PCDH10: variants seen among roughly 807,000 people sequenced by gnomAD.
PCDH10 encodes the protein protocadherin 10.
In PCDH10, 15 loss-of-function variants were observed where a neutral mutation model predicts 74.4. The ratio of observed to expected loss-of-function variants is 0.20; its 90% CI spans 0.13 to 0.31. PCDH10 has a LOEUF of 0.31. PCDH10 is among the 10% of genes least tolerant of loss of function. The pLI is 1.00. For synonymous variants in PCDH10, 619 were observed against 589.8 expected (o/e 1.05, Z -0.72); for missense variants, 1,260 against 1,390.2 (o/e 0.91, Z 1.49).
At chr4:133,203,904 C>G (rs2125878462) in intron 2 of PCDH10, among the ~76,000 whole-genome samples, 1 of 152,238 alleles carries the variant, frequency 6.6e-6, no homozygotes, top group South Asian at 2.1e-4. Flanking sequence ...GACTGTGAGG[C>G]AGGCATGGCA....
intron 4 of PCDH10, among the ~76,000 whole-genome samples, chr4:133,174,187 C>T (rs547789674): frequency 6.6e-6 from 1 of 152,014 alleles, no homozygotes; most frequent in Admixed American, 6.6e-5. Flanking sequence ...TATTATTAAT[C>T]ATCCAAAGTC....
At chr4:133,188,680 T>TG (rs1560715375) in intron 4 of PCDH10, among the ~76,000 whole-genome samples, 2 of 142,544 alleles carry the variant, frequency 1.4e-5, no homozygotes, top group African/African-American at 5.3e-5. Context: ...TTTTTTTTTT[T>TG]TTTTTTTTTT....
intron 4 of PCDH10, among the ~76,000 whole-genome samples, chr4:133,176,592 T>A (rs1727301401): frequency 6.6e-6 from 1 of 152,160 alleles, no homozygotes; most frequent in Admixed American, 6.6e-5. Flanking sequence ...TTTCACAATA[T>A]ATCACTATTT....
At chr4:133,202,956 G>T (rs1727932201) in intron 2 of PCDH10, among the ~76,000 whole-genome samples, 1 of 152,098 alleles carries the variant, frequency 6.6e-6, no homozygotes, top group Non-Finnish European at 1.5e-5. Context: ...GGTCTTTCAG[G>T]GAGAGTATAT....
intron 1 of PCDH10, 105 bp downstream of exon 1, chr4:133,152,876 T>C: frequency 6.6e-7 from 1 of 1,514,422 alleles, no homozygotes; most frequent in South Asian, 1.3e-5. Flanking sequence ...TTTTAGGATA[T>C]TAGCTTATGT....
Position 133,191,460 on chromosome 4 carries a change from C to T in PCDH10, c.*1300C>T, listed in dbSNP as rs1727667176. The T allele has an allele frequency of 1.3e-5, 2 of 152,034 alleles. No individual in the cohort carries two copies. The highest frequency in any genetic ancestry group is 4.8e-5 in the African/African-American group (2 of 41,358). 9.4% of individuals were successfully genotyped at this position (152,034 alleles called of 1,614,324 possible). ...AGTATTCCATGTGAAAATTTTATAGCTTAAATGTAGTCAGTGTTTGATTAA... is the reference window on the plus strand; with the variant it reads ...AGTATTCCATGTGAAAATTTTATAGTTTAAATGTAGTCAGTGTTTGATTAA... On this transcript the variant is annotated 3_prime_UTR_variant, in exon 5 of 5. Coordinates refer to ENST00000264360, the MANE Select transcript of PCDH10 (RefSeq NM_032961.3).
Position 133,150,839 on chromosome 4 carries a change from G to T in PCDH10, c.699G>T (p.Thr233=), listed in dbSNP as rs1376998823. Residue 233 remains threonine, a synonymous_variant, in exon 1 of 5, where the codon ACG becomes ACT. Coordinates refer to ENST00000264360, the MANE Select transcript of PCDH10 (RefSeq NM_032961.3). ...GLPPQQQRTG[T]ALLTIRVLDS... ...CCCCCCAGCAGCAGCGCACCGGCAC[G>T]GCCCTACTCACCATCCGAGTGCTGG... The T allele has an allele frequency of 1.3e-6, 2 of 1,594,500 alleles. No individual in the cohort carries two copies. Among genetic ancestry groups the T allele is most frequent in the African/African-American group, 2.7e-5 (2 of 74,626 alleles).
At chr4:133,175,530 A>C (rs1727280606) in intron 4 of PCDH10, among the ~76,000 whole-genome samples, 1 of 152,144 alleles carries the variant, frequency 6.6e-6, no homozygotes, top group Non-Finnish European at 1.5e-5. Flanking sequence ...TGGAAATAAG[A>C]TTATTATCTT....
intron 4 of PCDH10, among the ~76,000 whole-genome samples, chr4:133,177,568 A>G (rs148700496): frequency 6.6e-6 from 1 of 152,240 alleles, no homozygotes; most frequent in Non-Finnish European, 1.5e-5. Flanking sequence ...TTAGTGCCCA[A>G]TTTCATTTCA....
chr4:133,203,183 C>T (rs1181504903), intron 2 of PCDH10, among the ~76,000 whole-genome samples: 1 of 152,060 alleles, frequency 6.6e-6, no homozygotes. Context: ...AAGGAGAAGT[C>T]CACTGTCAGC....
intron 3 of PCDH10, among the ~76,000 whole-genome samples, chr4:133,162,661 A>G (rs1726993309): frequency 6.6e-6 from 1 of 152,112 alleles, no homozygotes; most frequent in African/African-American, 2.4e-5. Flanking sequence ...TACCATTTTT[A>G]TTCACCATTT....
At chr4:133,189,751 C>T (rs1399337490) in intron 4 of PCDH10, among the ~76,000 whole-genome samples, 1 of 151,794 alleles carries the variant, frequency 6.6e-6, no homozygotes, top group Non-Finnish European at 1.5e-5. Context: ...AAATATAAAA[C>T]AAGTTATTTA....
intron 4 of PCDH10, among the ~76,000 whole-genome samples, chr4:133,164,649 T>G (rs946183901): frequency 6.6e-6 from 1 of 151,798 alleles, no homozygotes; most frequent in African/African-American, 2.4e-5. Context: ...GTACTAATCT[T>G]GGTGAAATTA....
At chr4:133,200,472 A>T (rs921936759) in intron 2 of PCDH10, among the ~76,000 whole-genome samples, 5 of 152,184 alleles carry the variant, frequency 3.3e-5, no homozygotes, top group Admixed American at 3.3e-4. Context: ...ACATTTTAAA[A>T]TCTTTCCTAT....
In PCDH10 at chr4:133,193,666, C is replaced by G. The variant is rs1312920891; in HGVS notation, c.*3506C>G. 5 of 151,662 alleles carry G rather than the reference C, an allele frequency of 3.3e-5. No homozygotes were observed. Among genetic ancestry groups the G allele is most frequent in the African/African-American group, 1.2e-4 (5 of 41,390 alleles). The allele number at this position is 151,662 out of a possible 1,614,324, so 9.4% of individuals were successfully genotyped here. A position where few individuals can be genotyped will look rare whatever the true frequency, so the allele number is the denominator to read the frequency against. ...TATTTAAGTTATTGACTGATCATAG[C>G]ACTGTTATTTGTCATTGCATGTGTT... On this transcript the variant is annotated 3_prime_UTR_variant, in exon 5 of 5. Coordinates refer to ENST00000264360, the MANE Select transcript of PCDH10 (RefSeq NM_032961.3).
At position 133,189,034 on chromosome 4, in the gene PCDH10, A is replaced by G. The variant is rs575832053; in HGVS notation, c.3104-1107A>G. Among the ~76,000 whole-genome samples, 15 of 152,182 alleles carry G rather than the reference A, an allele frequency of 9.9e-5. No individual in the cohort carries two copies. The South Asian group carries it at 3.1e-3, about 32-fold the overall frequency. On this transcript the variant is annotated intron_variant, in intron 4 of 4. Coordinates refer to ENST00000264360, the MANE Select transcript of PCDH10 (RefSeq NM_032961.3). ...TGGTGAACTAGTAAAGAACTGTTTC[A>G]TGGTCAGAAACTGAGCTTTTGAGGA...
chr4:133,182,390 A>G (rs1727435739), intron 4 of PCDH10, among the ~76,000 whole-genome samples: 1 of 152,102 alleles, frequency 6.6e-6, no homozygotes, highest in East Asian at 1.9e-4. Context: ...TTTTTTAAGT[A>G]GGGATATTTT....
chr4:133,201,147 G>C (rs910978423), intron 2 of PCDH10, among the ~76,000 whole-genome samples: 1 of 152,030 alleles, frequency 6.6e-6, no homozygotes, highest in Non-Finnish European at 1.5e-5. Flanking sequence ...GCATCACCAA[G>C]AGTAAATCTG....
chr4:133,160,942 A>T (rs1726957766), intron 3 of PCDH10, among the ~76,000 whole-genome samples: 1 of 152,044 alleles, frequency 6.6e-6, no homozygotes, highest in Non-Finnish European at 1.5e-5. Flanking sequence ...AGCACTTATC[A>T]TGTCAAAGTA....
Sources: allele counts gnomAD v4.1 joint callset (sites outside exome capture counted in the v4.1 genomes callset), GRCh38; gene constraint gnomAD v4.1.1; transcripts MANE v1.5; gene names NCBI Gene and HGNC (gene_info 2026-07-23, HGNC 2026-07-21).